SGCZ: variants seen among roughly 807,000 people sequenced by gnomAD.
SGCZ encodes sarcoglycan zeta.
In SGCZ, 40 loss-of-function variants were observed where a neutral mutation model predicts 41.3. That is an observed-to-expected ratio of 0.97 (90% CI 0.75 to 1.26). The LOEUF (loss-of-function observed/expected upper bound fraction) is 1.26. SGCZ is among the 50% of genes most tolerant of loss of function. The pLI is 0.00. For missense variants in SGCZ, 552 were observed against 369.8 expected (o/e 1.49, Z -4.04); for synonymous variants, 206 against 137.5 (o/e 1.50, Z -3.49).
At chr8:15,092,930 T>C (rs961186721) in intron 1 of SGCZ, among the ~76,000 whole-genome samples, 7 of 152,326 alleles carry the variant, frequency 4.6e-5, no homozygotes, top group African/African-American at 1.4e-4. Flanking sequence ...CAAATAACTC[T>C]TGGATATGCA....
chr8:14,093,334 C>G (rs1013238405), intron 7 of SGCZ, among the ~76,000 whole-genome samples: 1 of 151,990 alleles, frequency 6.6e-6, no homozygotes, highest in Non-Finnish European at 1.5e-5. Flanking sequence ...AAACGCAAAT[C>G]AAATAATCTT....
At chr8:14,342,834 G>A (rs1802757886) in intron 2 of SGCZ, among the ~76,000 whole-genome samples, 1 of 152,170 alleles carries the variant, frequency 6.6e-6, no homozygotes, top group Non-Finnish European at 1.5e-5. Flanking sequence ...CAAGACTATG[G>A]GAAAAATTAT....
Position 14,322,050 on chromosome 8 carries a change from T to G in SGCZ, c.336+2053A>C, listed in dbSNP as rs562736234. 2.0e-5 allele frequency among the ~76,000 whole-genome samples: 3 copies of G among 152,266 alleles called. 1 individual carries two copies. In the South Asian group the frequency reaches 6.2e-4, roughly 32 times the overall value. On this transcript the variant is annotated intron_variant, in intron 3 of 7. Coordinates refer to ENST00000382080, the MANE Select transcript of SGCZ (RefSeq NM_139167.4). The stretch of plus-strand genomic sequence containing the variant: ...GAGGTGCTTATAAAATACATTTTTC[T>G]CTTTATTTTAAATATTTATCCAACT...
intron 1 of SGCZ, among the ~76,000 whole-genome samples, chr8:15,077,666 C>T (rs1265468709): frequency 6.6e-6 from 1 of 152,108 alleles, no homozygotes; most frequent in Non-Finnish European, 1.5e-5. Flanking sequence ...AGAGATAAAA[C>T]ATGAACCTTA....
In SGCZ at chr8:14,730,844, C is replaced by G. The variant is rs186293813; in HGVS notation, c.40-175918G>C. Among the ~76,000 whole-genome samples the G allele has an allele frequency of 5.3e-5, 8 of 151,940 alleles. No homozygotes were observed. The East Asian group carries it at 1.2e-3, about 22-fold the overall frequency. The stretch of plus-strand genomic sequence containing the variant: ...AAAATGAGAAAGAATGCTGTAGCAT[C>G]TCACACCAGTTAGAATGGCGATCAA... On this transcript the variant is annotated intron_variant, in intron 1 of 7. Coordinates refer to ENST00000382080, the MANE Select transcript of SGCZ (RefSeq NM_139167.4).
chr8:14,434,076 T>C (rs1223464238), intron 2 of SGCZ, among the ~76,000 whole-genome samples: 1 of 152,200 alleles, frequency 6.6e-6, no homozygotes, highest in African/African-American at 2.4e-5. Context: ...TCCGATGTTA[T>C]GTTATAGAAT....
intron 1 of SGCZ, among the ~76,000 whole-genome samples, chr8:15,156,501 C>A (rs2117030087): frequency 6.6e-6 from 1 of 152,314 alleles, no homozygotes; most frequent in Admixed American, 6.5e-5. Context: ...CTGCAGAGTT[C>A]TTGACTGTCA....
chr8:14,885,694 G>C (rs900577903), intron 1 of SGCZ, among the ~76,000 whole-genome samples: 4 of 151,854 alleles, frequency 2.6e-5, no homozygotes, highest in African/African-American at 9.7e-5. Context: ...AGTAATTGTA[G>C]GACTCAAGTG....
At chr8:14,737,825 A>G (rs920137155) in intron 1 of SGCZ, among the ~76,000 whole-genome samples, 1 of 152,130 alleles carries the variant, frequency 6.6e-6, no homozygotes, top group African/African-American at 2.4e-5. Context: ...TCACATATTG[A>G]GGCACTATGA....
intron 1 of SGCZ, among the ~76,000 whole-genome samples, chr8:14,931,680 C>T (rs180863869): frequency 3.6e-4 from 54 of 152,010 alleles, no homozygotes; most frequent in African/African-American, 8.5e-4. Flanking sequence ...ATGTGAATTA[C>T]GGAACATTAT....
intron 1 of SGCZ, among the ~76,000 whole-genome samples, chr8:15,167,687 A>C (rs1585633179): frequency 6.6e-6 from 1 of 151,758 alleles, no homozygotes; most frequent in African/African-American, 2.4e-5. Flanking sequence ...GTTTAAAAAA[A>C]AATACGGTCT....
intron 2 of SGCZ, among the ~76,000 whole-genome samples, chr8:14,404,247 C>T (rs969707742): frequency 2.0e-5 from 3 of 152,018 alleles, no homozygotes; most frequent in Non-Finnish European, 2.9e-5. Context: ...TAAAACTTTG[C>T]CAGTGTTCAT....
At chr8:14,678,568 T>C in intron 1 of SGCZ, among the ~76,000 whole-genome samples, 1 of 152,214 alleles carries the variant, frequency 6.6e-6, no homozygotes, top group East Asian at 1.9e-4. Context: ...GCAAAAGCAA[T>C]TCTCATCCAT....
chr8:14,692,647 A>C (rs11989868), intron 1 of SGCZ, among the ~76,000 whole-genome samples: 56,420 of 152,002 alleles, frequency 0.37, 12,919 homozygotes, highest in African/African-American at 0.64. Context: ...TAATACAGAA[A>C]ATTTGAACTA....
intron 1 of SGCZ, among the ~76,000 whole-genome samples, chr8:15,231,256 A>C (rs1400943115): frequency 1.1e-4 from 17 of 152,166 alleles, no homozygotes. Flanking sequence ...TAAAGGTTTC[A>C]TATGTCAACT....
chr8:14,736,927 A>C (rs902745395), intron 1 of SGCZ, among the ~76,000 whole-genome samples: 1 of 151,972 alleles, frequency 6.6e-6, no homozygotes, highest in Non-Finnish European at 1.5e-5. Context: ...TTGCACATGC[A>C]TGTTTATAGC....
chr8:14,935,949 T>A (rs1412352180), intron 1 of SGCZ, among the ~76,000 whole-genome samples: 1 of 151,678 alleles, frequency 6.6e-6, no homozygotes, highest in East Asian at 1.9e-4. Flanking sequence ...ACACAGAAAA[T>A]AATTTAAAAC....
chr8:14,179,227 T>G (rs1804644377), intron 4 of SGCZ, among the ~76,000 whole-genome samples: 1 of 152,220 alleles, frequency 6.6e-6, no homozygotes, highest in South Asian at 2.1e-4. Context: ...AGATGGCATC[T>G]AGAGAATGAC....
chr8:14,371,425 T>A (rs1021660499), intron 2 of SGCZ, among the ~76,000 whole-genome samples: 6 of 152,116 alleles, frequency 3.9e-5, no homozygotes, highest in Non-Finnish European at 7.4e-5. Context: ...AACAATGACT[T>A]TAAATCTGTT....
Sources: gnomAD v4.1 joint callset for allele counts (sites outside exome capture counted in the v4.1 genomes callset) on GRCh38, gnomAD v4.1.1 for gene constraint, MANE v1.5 for transcripts, NCBI Gene and HGNC (gene_info 2026-07-23, HGNC 2026-07-21) for gene names.